LRP1B: variants seen among roughly 807,000 people sequenced by gnomAD.
LRP1B encodes low-density lipoprotein receptor-related protein 1B.
In LRP1B, 217 loss-of-function variants were observed where a neutral mutation model predicts 556.6. The ratio of observed to expected loss-of-function variants is 0.39; its 90% CI spans 0.35 to 0.44. LRP1B has a LOEUF of 0.44. Ranked by LOEUF, LRP1B falls within the 20% of genes least tolerant of loss-of-function variation. LRP1B has a pLI of 1.00. For missense variants in LRP1B, 5,053 were observed against 5,620.8 expected (o/e 0.90, Z 3.23); for synonymous variants, 2,047 against 1,865.8 (o/e 1.10, Z -2.50).
chr2:141,093,566 G>A (rs1043203824), intron 7 of LRP1B, among the ~76,000 whole-genome samples: 1 of 152,140 alleles, frequency 6.6e-6, no homozygotes, highest in African/African-American at 2.4e-5. Flanking sequence ...TCCTTCCTCT[G>A]TTGGAAATTA....
intron 1 of LRP1B, among the ~76,000 whole-genome samples, chr2:141,827,774 C>T (rs1378797724): frequency 1.3e-5 from 2 of 151,946 alleles, no homozygotes; most frequent in Non-Finnish European, 2.9e-5. Flanking sequence ...ATTTTATATT[C>T]ATCATACTTT....
intron 43 of LRP1B, among the ~76,000 whole-genome samples, chr2:140,585,935 CCT>C (rs1681966511): frequency 1.3e-5 from 2 of 152,182 alleles, no homozygotes; most frequent in East Asian, 3.9e-4. Flanking sequence ...AAGTCTTATT[CCT>C]GTTTAAATTC....
intron 6 of LRP1B, among the ~76,000 whole-genome samples, chr2:141,208,619 G>A (rs2105244573): frequency 6.6e-6 from 1 of 151,996 alleles, no homozygotes; most frequent in South Asian, 2.1e-4. Flanking sequence ...TGTAATCCCA[G>A]AACTCTGGGA....
chr2:142,107,532 T>A (rs923314107), intron 1 of LRP1B, among the ~76,000 whole-genome samples: 1 of 152,204 alleles, frequency 6.6e-6, no homozygotes, highest in African/African-American at 2.4e-5. Flanking sequence ...ATAAGTCACC[T>A]AGTCTCAACG....
At chr2:140,316,583 G>A (rs1397783237) in intron 82 of LRP1B, among the ~76,000 whole-genome samples, 3 of 152,112 alleles carry the variant, frequency 2.0e-5, no homozygotes, top group Non-Finnish European at 4.4e-5. Context: ...AAAAATTACA[G>A]TGGTATAATG....
Position 141,890,323 on chromosome 2 carries a change from C to CATATATATATATAT in LRP1B, c.83-79936_83-79923dup, listed in dbSNP as rs556472129. Among the ~76,000 whole-genome samples the CATATATATATATAT allele has an allele frequency of 2.3e-3, 195 of 83,780 alleles. 1 individual carries two copies. The highest frequency in any genetic ancestry group is 2.8e-3 in the Non-Finnish European group (118 of 42,118). 55.0% of individuals were successfully genotyped at this position (83,780 alleles called of 152,430 possible). Reference sequence around the variant, plus strand: ...GGCTGTCACAGGTAAGGGCACAATACATATATATATATATATATATATATA... The same window carrying CATATATATATATAT: ...GGCTGTCACAGGTAAGGGCACAATACATATATATATATATATATATATATATATATATATATATA... On this transcript the variant is annotated intron_variant, in intron 1 of 90. Coordinates refer to ENST00000389484, the MANE Select transcript of LRP1B (RefSeq NM_018557.3).
intron 63 of LRP1B, among the ~76,000 whole-genome samples, chr2:140,448,801 T>A (rs1686771415): frequency 2.6e-5 from 4 of 152,132 alleles, no homozygotes; most frequent in African/African-American, 7.2e-5. Flanking sequence ...AATGCATATG[T>A]TAAATACCTT....
intron 1 of LRP1B, among the ~76,000 whole-genome samples, chr2:141,897,634 C>G (rs940566833): frequency 2.0e-5 from 3 of 152,108 alleles, no homozygotes; most frequent in African/African-American, 4.8e-5. Flanking sequence ...TATGCCACAT[C>G]AGAAATGGCA....
chr2:141,045,310 A>G (rs1698836261), intron 11 of LRP1B, among the ~76,000 whole-genome samples: 1 of 149,862 alleles, frequency 6.7e-6, no homozygotes, highest in Non-Finnish European at 1.5e-5. Context: ...TGGGAGATAT[A>G]CCTAATGCTA....
intron 58 of LRP1B, 33 bp downstream of exon 58, chr2:140,487,584 T>C (rs761583053): frequency 1.9e-6 from 3 of 1,569,934 alleles, no homozygotes; most frequent in Non-Finnish European, 2.6e-6. Flanking sequence ...TGGTATAATA[T>C]TCAACAATCC....
intron 2 of LRP1B, among the ~76,000 whole-genome samples, chr2:141,626,808 A>G (rs1408060339): frequency 6.6e-6 from 1 of 152,214 alleles, no homozygotes; most frequent in Admixed American, 6.5e-5. Flanking sequence ...TTAAATGCAG[A>G]CAGGAATGCG....
chr2:141,045,958 A>G (rs906109469), intron 11 of LRP1B, among the ~76,000 whole-genome samples: 1 of 152,168 alleles, frequency 6.6e-6, no homozygotes, highest in African/African-American at 2.4e-5. Flanking sequence ...ACATGTAAAT[A>G]TAACAATGGA....
chr2:141,367,475 T>C (rs1345902322), intron 3 of LRP1B, among the ~76,000 whole-genome samples: 13 of 105,984 alleles, frequency 1.2e-4, no homozygotes, highest in African/African-American at 4.7e-4. Context: ...GAAATGCTTT[T>C]TTTTTTTTTT....
chr2:141,147,408 C>T (rs1701812411), intron 7 of LRP1B, among the ~76,000 whole-genome samples: 1 of 152,156 alleles, frequency 6.6e-6, no homozygotes, highest in Non-Finnish European at 1.5e-5. Context: ...TATAGTCCAA[C>T]AATAGAGTTG....
Position 140,786,088 on chromosome 2 carries a change from G to A in LRP1B, c.5360-9850C>T, listed in dbSNP as rs1689888150. Among the ~76,000 whole-genome samples, 3 of 152,158 alleles carry A rather than the reference G, an allele frequency of 2.0e-5. No individual in the cohort carries two copies. The South Asian group carries it at 6.2e-4, about 32-fold the overall frequency. On this transcript the variant is annotated intron_variant, in intron 32 of 90. Coordinates refer to ENST00000389484, the MANE Select transcript of LRP1B (RefSeq NM_018557.3). The stretch of plus-strand genomic sequence containing the variant: ...AATGCAAATGTGAGCATGTCCCTCT[G>A]CTGTTTAAAACTCTCCAATGGCTTC...
intron 6 of LRP1B, among the ~76,000 whole-genome samples, chr2:141,225,768 T>C (rs1294417417): frequency 6.6e-6 from 1 of 152,182 alleles, no homozygotes; most frequent in Non-Finnish European, 1.5e-5. Flanking sequence ...TCATTCATCT[T>C]GATTCTCTCA....
chr2:141,521,458 G>C (rs989598617), intron 2 of LRP1B, among the ~76,000 whole-genome samples: 1 of 150,920 alleles, frequency 6.6e-6, no homozygotes, highest in Non-Finnish European at 1.5e-5. Flanking sequence ...TTAGACACTA[G>C]GATCCATAGT....
intron 41 of LRP1B, among the ~76,000 whole-genome samples, chr2:140,649,492 T>C (rs1424543088): frequency 2.6e-5 from 4 of 152,226 alleles, no homozygotes; most frequent in South Asian, 2.1e-4. Context: ...AATGGAAGAA[T>C]TGGGGCTGAT....
At chr2:141,711,942 AAC>A (rs1162961972) in intron 2 of LRP1B, among the ~76,000 whole-genome samples, 3 of 136,794 alleles carry the variant, frequency 2.2e-5, no homozygotes, top group Non-Finnish European at 4.7e-5. Context: ...CATAAATATG[AAC>A]ACACACAGAC....
Sources: gnomAD v4.1 joint callset for allele counts (sites outside exome capture counted in the v4.1 genomes callset) on GRCh38, gnomAD v4.1.1 for gene constraint, MANE v1.5 for transcripts, NCBI Gene and HGNC (gene_info 2026-07-23, HGNC 2026-07-21) for gene names.